Variants in OXCT1 observed in about 807,000 individuals in gnomAD.
OXCT1 encodes 3-oxoacid CoA-transferase 1, also known as succinyl-CoA:3-ketoacid coenzyme A transferase 1, mitochondrial.
A neutral mutation model predicts 69.6 loss-of-function variants in OXCT1; 27 were observed. The observed-to-expected ratio is 0.39, with a 90% CI of 0.29 to 0.54. The LOEUF is 0.54. Among genes scored for constraint, OXCT1 ranks in the 20% least tolerant of loss-of-function variants. OXCT1 has a pLI of 0.72. For missense variants in OXCT1, 437 were observed against 650.2 expected (o/e 0.67, Z 3.57); for synonymous variants, 202 against 217.8 (o/e 0.93, Z 0.64).
chr5:41,848,857 T>C (rs1239222133), intron 5 of OXCT1, among the ~76,000 whole-genome samples: 1 of 152,128 alleles, frequency 6.6e-6, no homozygotes, highest in Non-Finnish European at 1.5e-5. Flanking sequence ...GCATTACCAT[T>C]CAGGACATAG....
intron 11 of OXCT1, among the ~76,000 whole-genome samples, chr5:41,795,825 C>G (rs1746155643): frequency 6.6e-6 from 1 of 152,010 alleles, no homozygotes; most frequent in Non-Finnish European, 1.5e-5. Context: ...CATCACATTA[C>G]ACGTCTTAAA....
chr5:41,799,279 G>A (rs116569389), intron 11 of OXCT1, among the ~76,000 whole-genome samples: 221 of 152,116 alleles, frequency 1.5e-3, no homozygotes, highest in Admixed American at 4.3e-3. Flanking sequence ...TATATTCTAG[G>A]CTCTCCAGCT....
rs1392554005 is a variant in OXCT1 at position 41,791,129 on chromosome 5, T to C, written c.1248+2874A>G. On this transcript the variant is annotated intron_variant, in intron 13 of 16. Coordinates refer to ENST00000196371, the MANE Select transcript of OXCT1 (RefSeq NM_000436.4). ...GAAATTAAAACCAAACTAAACCTCA[T>C]GGACTTGATTCTGAAGCTGCCCTGA... Among the ~76,000 whole-genome samples the C allele has an allele frequency of 3.9e-5, 6 of 152,190 alleles. No individual in the cohort carries two copies. The East Asian group carries it at 1.2e-3, about 29-fold the overall frequency.
At chr5:41,777,930 C>A (rs890093466) in intron 13 of OXCT1, among the ~76,000 whole-genome samples, 1 of 152,158 alleles carries the variant, frequency 6.6e-6, no homozygotes, top group Non-Finnish European at 1.5e-5. Context: ...CCTTTTAATA[C>A]AGCCATTTTT....
chr5:41,859,869 A>ATATATATATATATATATAT (rs1561135502), intron 3 of OXCT1, among the ~76,000 whole-genome samples: 1 of 115,678 alleles, frequency 8.6e-6, no homozygotes, highest in South Asian at 3.8e-4. Context: ...ATAGTAATAT[A>ATATATATATATATATATAT]TATATATATA....
At chr5:41,869,590 C>A (rs1010180646) in intron 1 of OXCT1, among the ~76,000 whole-genome samples, 1 of 152,192 alleles carries the variant, frequency 6.6e-6, no homozygotes, top group Non-Finnish European at 1.5e-5. Context: ...ATACGAGGGG[C>A]CTCGAGAGAA....
intron 1 of OXCT1, among the ~76,000 whole-genome samples, chr5:41,865,335 T>C (rs150286124): frequency 5.9e-5 from 9 of 152,306 alleles, no homozygotes; most frequent in Non-Finnish European, 1.3e-4. Context: ...ACCAAAGAGC[T>C]TGCCACACTC....
intron 7 of OXCT1, among the ~76,000 whole-genome samples, chr5:41,823,340 T>C (rs1287501635): frequency 6.6e-6 from 1 of 152,158 alleles, no homozygotes; most frequent in African/African-American, 2.4e-5. Context: ...AAAACTCTGG[T>C]AGGGATCCTA....
chr5:41,795,037 G>A (rs1173959808), intron 11 of OXCT1, among the ~76,000 whole-genome samples: 1 of 152,178 alleles, frequency 6.6e-6, no homozygotes, highest in Non-Finnish European at 1.5e-5. Flanking sequence ...TGGTACCTCA[G>A]ACCGGTTTTA....
At chr5:41,794,251 ATTCTTTTTG>A (rs1415713232) in intron 12 of OXCT1, 173 bp from the exon 13 acceptor site, 1 of 645,470 alleles carries the variant, frequency 1.5e-6, no homozygotes, top group Non-Finnish European at 2.8e-6. Context: ...ATCACTAAAA[ATTCTTTTTG>A]AAAAAAAAGT....
intron 7 of OXCT1, among the ~76,000 whole-genome samples, chr5:41,809,245 G>GT (rs1280289218): frequency 6.6e-6 from 1 of 151,916 alleles, no homozygotes. Context: ...AGTACAAGTG[G>GT]TTTTTGTTTT....
chr5:41,847,729 A>G (rs1282868456), intron 5 of OXCT1, among the ~76,000 whole-genome samples: 1 of 152,150 alleles, frequency 6.6e-6, no homozygotes, highest in Non-Finnish European at 1.5e-5. Flanking sequence ...AAATTCAACA[A>G]CCCTTCATGC....
intron 7 of OXCT1, among the ~76,000 whole-genome samples, chr5:41,825,440 T>A (rs904665241): frequency 6.6e-6 from 1 of 152,228 alleles, no homozygotes; most frequent in Non-Finnish European, 1.5e-5. Flanking sequence ...TCTTAGGAAC[T>A]GTTAACTGTT....
chr5:41,820,352 T>C (rs1312329363), intron 7 of OXCT1, among the ~76,000 whole-genome samples: 1 of 152,158 alleles, frequency 6.6e-6, no homozygotes, highest in Admixed American at 6.5e-5. Flanking sequence ...GAGAATGATT[T>C]CGCAATACTT....
intron 11 of OXCT1, among the ~76,000 whole-genome samples, chr5:41,799,741 C>T (rs145122544): frequency 6.6e-6 from 1 of 152,264 alleles, no homozygotes; most frequent in South Asian, 2.1e-4. Context: ...TAAATTACAG[C>T]CTTGGTTAAA....
At chr5:41,757,377 G>C (rs1350491720) in intron 14 of OXCT1, among the ~76,000 whole-genome samples, 1 of 151,926 alleles carries the variant, frequency 6.6e-6, no homozygotes, top group African/African-American at 2.4e-5. Context: ...CCTCTTTGTT[G>C]CTCCCCAACA....
intron 16 of OXCT1, among the ~76,000 whole-genome samples, chr5:41,733,309 C>T (rs567974279): frequency 4.7e-5 from 7 of 148,934 alleles, no homozygotes; most frequent in South Asian, 2.1e-4. Flanking sequence ...TGCAATGGCG[C>T]GATCTTGGCT....
At chr5:41,816,634 G>A (rs1307364539) in intron 7 of OXCT1, among the ~76,000 whole-genome samples, 5 of 152,062 alleles carry the variant, frequency 3.3e-5, no homozygotes, top group Non-Finnish European at 7.4e-5. Context: ...CTATGCAGCC[G>A]GGGTCACTTG....
At chr5:41,766,871 A>G (rs1035142111) in intron 13 of OXCT1, among the ~76,000 whole-genome samples, 23 of 152,162 alleles carry the variant, frequency 1.5e-4, no homozygotes, top group African/African-American at 5.3e-4. Flanking sequence ...TATATGCCAT[A>G]GTAGAAAGTG....
Sources: gnomAD v4.1 joint callset for allele counts (sites outside exome capture counted in the v4.1 genomes callset) on GRCh38, gnomAD v4.1.1 for gene constraint, MANE v1.5 for transcripts, NCBI Gene and HGNC (gene_info 2026-07-23, HGNC 2026-07-21) for gene names.